The following NELL1 variants were observed in gnomAD, a reference collection of about 807,000 sequenced individuals.
The protein encoded by NELL1 is neural EGFL like 1, also known as protein kinase C-binding protein NELL1.
In NELL1, 76 loss-of-function variants were observed where a neutral mutation model predicts 107.4. The observed-to-expected ratio is 0.71, with a 90% CI of 0.59 to 0.86. NELL1 has a LOEUF of 0.86. Ranked by LOEUF, NELL1 falls within the 40% of genes least tolerant of loss-of-function variation. The probability of loss-of-function intolerance (pLI) is 0.00; values close to 1 mark genes in which losing one functional copy is unlikely to be tolerated. For missense variants in NELL1, 1,024 were observed against 1,005.5 expected, an observed-to-expected ratio of 1.02 and a Z score of -0.25; for synonymous variants, 353 against 341.2, an observed-to-expected ratio of 1.03 and a Z score of -0.38.
chr11:21,001,342 T>G (rs1203184713), intron 12 of NELL1, among the ~76,000 whole-genome samples: 1 of 152,144 alleles, frequency 6.6e-6, no homozygotes, highest in Non-Finnish European at 1.5e-5. Context: ...GGATTCTGTC[T>G]TCCGCTTAAG....
In NELL1 at chr11:20,797,998, C is replaced by G. The variant is rs374904085; in HGVS notation, c.335+14168C>G. ...TGAAAATGTGGGCCATCTAGAGATG[C>G]TGCCAAATGCTAGGAGACAAGACAT... On this transcript the variant is annotated intron_variant, in intron 3 of 19. Coordinates refer to ENST00000357134, the MANE Select transcript of NELL1 (RefSeq NM_006157.5). Among the ~76,000 whole-genome samples, 53 of 152,280 alleles carry G rather than the reference C, an allele frequency of 3.5e-4. No homozygotes were observed. The East Asian group carries it at 5.2e-3, about 15-fold the overall frequency.
chr11:20,744,576 A>T (rs1255776461), intron 2 of NELL1, among the ~76,000 whole-genome samples: 1 of 152,202 alleles, frequency 6.6e-6, no homozygotes, highest in Non-Finnish European at 1.5e-5. Flanking sequence ...TTTAAGCTCA[A>T]ATCTGCTCCA....
rs186115486 is a variant in NELL1, at chr11:21,413,354, G to C, written c.1645+42406G>C. Among the ~76,000 whole-genome samples the C allele has an allele frequency of 4.6e-5, 7 of 151,656 alleles. No homozygotes were observed. In the South Asian group the frequency reaches 8.4e-4, roughly 18 times the overall value. ...AATGACACTCAAGGGTGCTGGGGGT[G>C]GGGGGGAGATATAGTAAATGTGGGC... On this transcript the variant is annotated intron_variant, in intron 15 of 19. Coordinates refer to ENST00000357134, the MANE Select transcript of NELL1 (RefSeq NM_006157.5).
chr11:21,161,430 G>A (rs1227363243), intron 13 of NELL1, among the ~76,000 whole-genome samples: 11 of 152,106 alleles, frequency 7.2e-5, no homozygotes, highest in Admixed American at 5.2e-4. Flanking sequence ...CCAGCTACTC[G>A]GGAGGCTGAG....
intron 12 of NELL1, among the ~76,000 whole-genome samples, chr11:20,976,714 C>T (rs769986394): frequency 6.6e-6 from 1 of 152,094 alleles, no homozygotes; most frequent in Non-Finnish European, 1.5e-5. Context: ...TTCCATAAAA[C>T]CAGAATTCTG....
rs1853853586 is a variant in NELL1, at chr11:20,669,906, T to G, written c.55+128T>G. 1 of 760,728 alleles carries G rather than the reference T, an allele frequency of 1.3e-6. No homozygotes were observed. Among genetic ancestry groups the G allele is most frequent in the Non-Finnish European group, 2.3e-6 (1 of 431,884 alleles). 47.1% of individuals were successfully genotyped at this position (760,728 alleles called of 1,614,324 possible). The stretch of plus-strand genomic sequence containing the variant: ...AACGGCGGTAGCGTGGACCGGTTCC[T>G]GGGATCTCTTTGCCCTGCTCGGAGT... On this transcript the variant is annotated intron_variant, in intron 1 of 19. Transcript: ENST00000357134. This position sits in a 1 kb window ranked among gnomAD's most constrained non-coding sequence, Gnocchi z 4.4.
At chr11:20,748,727 A>C (rs1415977428) in intron 2 of NELL1, among the ~76,000 whole-genome samples, 2 of 152,178 alleles carry the variant, frequency 1.3e-5, no homozygotes, top group Non-Finnish European at 2.9e-5. Context: ...AGTTGCTGTA[A>C]AAGACATTAT....
intron 3 of NELL1, among the ~76,000 whole-genome samples, chr11:20,827,960 C>T (rs1258763381): frequency 1.3e-5 from 2 of 151,260 alleles, no homozygotes; most frequent in South Asian, 2.1e-4. Flanking sequence ...CTCTATGCTA[C>T]CTACTCCCAA....
At chr11:21,201,939 G>T (rs1372067023) in intron 13 of NELL1, among the ~76,000 whole-genome samples, 1 of 152,158 alleles carries the variant, frequency 6.6e-6, no homozygotes, top group Admixed American at 6.5e-5. Context: ...TTATTGATTT[G>T]TGTATGTTGA....
chr11:20,773,965 T>C (rs1366540526), intron 2 of NELL1, among the ~76,000 whole-genome samples: 1 of 151,568 alleles, frequency 6.6e-6, no homozygotes, highest in African/African-American at 2.4e-5. Context: ...CATGACCTTT[T>C]TTTCCCCTCT....
At chr11:20,901,786 C>T (rs1378577438) in intron 5 of NELL1, among the ~76,000 whole-genome samples, 7 of 152,018 alleles carry the variant, frequency 4.6e-5, no homozygotes, top group Admixed American at 4.6e-4. Flanking sequence ...CAGAAATGAC[C>T]CTTTCGTCAT....
intron 4 of NELL1, among the ~76,000 whole-genome samples, chr11:20,855,004 T>C (rs72935273): frequency 0.033 from 5,053 of 152,282 alleles, 143 homozygotes; most frequent in Admixed American, 0.048. Context: ...AGCCTGACCA[T>C]TACAGTGTTG....
rs146818898 is a variant in NELL1, at chr11:21,130,259, A to G, written c.1426+16545A>G. Among the ~76,000 whole-genome samples, 1,078 of 152,300 alleles carry G rather than the reference A, an allele frequency of 7.1e-3. 16 individuals are homozygous for G. Among genetic ancestry groups the G allele is most frequent in the African/African-American group, 0.025 (1,023 of 41,574 alleles). ...AGTACTGTCTTGTGGAATGAAGTGC[A>G]TGGGTTTTACAGCCTCAGAGACTCC... On this transcript the variant is annotated intron_variant, in intron 13 of 19. Transcript: ENST00000357134.
At chr11:21,105,396 G>A (rs531933447) in intron 12 of NELL1, among the ~76,000 whole-genome samples, 5 of 152,094 alleles carry the variant, frequency 3.3e-5, no homozygotes, top group Admixed American at 3.3e-4. Flanking sequence ...CAGATGTGGT[G>A]TTTACGTCAC....
intron 16 of NELL1, among the ~76,000 whole-genome samples, chr11:21,537,307 A>C (rs995454929): frequency 6.6e-6 from 1 of 152,232 alleles, no homozygotes; most frequent in South Asian, 2.1e-4. Flanking sequence ...TATGGCCTTC[A>C]TGGTTTTAGA....
intron 2 of NELL1, among the ~76,000 whole-genome samples, chr11:20,726,285 G>GT (rs967606499): frequency 9.2e-5 from 14 of 152,062 alleles, no homozygotes; most frequent in African/African-American, 1.9e-4. Context: ...TCAAATGGTA[G>GT]TTTTTTTATT....
chr11:21,176,799 G>A (rs1254516915), intron 13 of NELL1, among the ~76,000 whole-genome samples: 2 of 151,494 alleles, frequency 1.3e-5, no homozygotes, highest in Non-Finnish European at 2.9e-5. Context: ...GATAATATGG[G>A]TTCTTGATGA....
intron 14 of NELL1, among the ~76,000 whole-genome samples, chr11:21,337,552 C>T (rs893981886): frequency 6.6e-5 from 10 of 152,218 alleles, no homozygotes; most frequent in African/African-American, 2.4e-4. Flanking sequence ...GTCACTTCTG[C>T]TCATAGCCCA....
At chr11:20,674,891 C>A (rs1565301289) in intron 1 of NELL1, among the ~76,000 whole-genome samples, 1 of 152,130 alleles carries the variant, frequency 6.6e-6, no homozygotes, top group Non-Finnish European at 1.5e-5. Context: ...GTCTTTAGTC[C>A]CTGCATCGGT....
Sources: gnomAD v4.1 joint callset for allele counts (sites outside exome capture counted in the v4.1 genomes callset) on GRCh38, gnomAD v4.1.1 for gene constraint, Gnocchi (gnomAD v3.1) non-coding constraint, MANE v1.5 for transcripts, NCBI Gene and HGNC (gene_info 2026-07-23, HGNC 2026-07-21) for gene names.